Variants in EMC1 observed in about 807,000 individuals in gnomAD.
EMC1 encodes the protein KIAA0090.
Under a neutral mutation model 128.8 loss-of-function variants are expected in EMC1, and 103 were observed. The ratio of observed to expected loss-of-function variants is 0.80; its 90% confidence interval spans 0.68 to 0.94. The LOEUF is 0.94. Among genes scored for constraint, EMC1 ranks in the 40% least tolerant of loss-of-function variants. EMC1 has a pLI of 0.00. For missense variants in EMC1, 1,083 were observed against 1,250.6 expected (o/e 0.87, Z 2.02); for synonymous variants, 442 against 490.4 (o/e 0.90, Z 1.30).
At chr1:19,223,669 G>T in intron 18 of EMC1, 100 bp from the exon 19 acceptor site, 1 of 1,098,520 alleles carries the variant, frequency 9.1e-7, no homozygotes, top group Non-Finnish European at 1.3e-6. Flanking sequence ...GCCTGGCAGA[G>T]GAATCAGGGT....
At chr1:19,238,695 G>A in intron 10 of EMC1, 100 bp downstream of exon 10, 1 of 756,072 alleles carries the variant, frequency 1.3e-6, no homozygotes, top group Admixed American at 2.3e-5. Context: ...TTGAAGCTGG[G>A]AACTCTAGGA....
chr1:19,246,558 C>T (rs904615028), intron 1 of EMC1, among the ~76,000 whole-genome samples: 7 of 151,574 alleles, frequency 4.6e-5, no homozygotes, highest in African/African-American at 9.7e-5. Flanking sequence ...CCAGGCATGC[C>T]GAACACTTGA....
rs764533689 is a variant in EMC1, at chr1:19,227,296, C to G, written c.2202+17G>C. ...TCGAAAGCCCTTGCTGTAGACCAGA[C>G]AGCTGGCTGTATGTACCTTGTAGAG... On this transcript the variant is annotated intron_variant, in intron 18 of 22. Transcript: ENST00000477853. 5.0e-6 allele frequency: 8 copies of G among 1,613,942 alleles called. No individual in the cohort carries two copies. The highest frequency in any genetic ancestry group is 1.7e-5 in the Admixed American group (1 of 60,016).
rs1362807589 is a variant in EMC1 at position 19,217,868 on chromosome 1, T to A, written c.*1435A>T. On this transcript the variant is annotated 3_prime_UTR_variant, in exon 23 of 23. Coordinates refer to ENST00000477853, the MANE Select transcript of EMC1 (RefSeq NM_015047.3). The stretch of plus-strand genomic sequence containing the variant: ...ATCAAACTGACAATTAATAAAATGG[T>A]TGTCATTTCCTCTTCCTTCTCTGCC... 1 of 152,210 alleles carries A rather than the reference T, an allele frequency of 6.6e-6. No homozygotes were observed. The highest frequency in any genetic ancestry group is 2.4e-5 in the African/African-American group (1 of 41,430). The allele number at this position is 152,210 out of a possible 1,614,324, so 9.4% of individuals were successfully genotyped here.
rs560304783 is a variant in EMC1 at position 19,239,601 on chromosome 1, G to A, written c.954+217C>T. The stretch of plus-strand genomic sequence containing the variant: ...CCCATATTTCCTTTGGACTAAGGAA[G>A]GCACTAGTTTTGCTCTAAAGATCCT... On this transcript the variant is annotated intron_variant, in intron 8 of 22. Coordinates refer to ENST00000477853, the MANE Select transcript of EMC1 (RefSeq NM_015047.3). 28 of 589,542 alleles carry A rather than the reference G, an allele frequency of 4.7e-5. No individual in the cohort carries two copies. The East Asian group carries it at 7.9e-4, about 17-fold the overall frequency. The allele number at this position is 589,542 out of a possible 1,614,324, so 36.5% of individuals were successfully genotyped here.
In EMC1 at chr1:19,227,329, C is replaced by T. The variant is rs1226576903; in HGVS notation, c.2186G>A (p.Arg729His). Residue 729 changes from arginine (R) to histidine (H), a missense_variant, in exon 18 of 23, where the codon CGC (arginine) becomes CAC (histidine). Arg to His is a conservative substitution (Grantham distance 29, BLOSUM62 0). This residue lies in a region of EMC1 where 527 missense variants were observed against 644.1 expected (regional missense o/e 0.82). Coordinates refer to ENST00000477853, the MANE Select transcript of EMC1 (RefSeq NM_015047.3). ...TGTATGTACCTTGTAGAGCACACTG[C>T]GGTCCCCCATCACACGGCCCTGGGA... ...VHSQGRVMGD[R>H]SVLYKSLNPN... is the part of the protein sequence containing the mutation. 1.1e-5 allele frequency: 18 copies of T among 1,614,128 alleles called. No individual in the cohort carries two copies. Among genetic ancestry groups the T allele is most frequent in the Non-Finnish European group, 1.5e-5 (18 of 1,179,970 alleles).
intron 17 of EMC1, among the ~76,000 whole-genome samples, chr1:19,230,562 T>C (rs965203770): frequency 6.6e-6 from 1 of 150,938 alleles, no homozygotes; most frequent in African/African-American, 2.4e-5. Context: ...AGTGCAAGAC[T>C]CCATCTCAAA....
rs1347137887 is a variant in EMC1, at chr1:19,222,762, A to T, written c.2449T>A (p.Tyr817Asn). 2 of 1,614,120 alleles carry T rather than the reference A, an allele frequency of 1.2e-6. No homozygotes were observed. The highest frequency in any genetic ancestry group is 4.5e-5 in the East Asian group (2 of 44,882). ...VLELYEGTEQ[Y>N]NATAFSSLDR... ...AGGGAGCTGAAGGCGGTGGCGTTGTATTGCTCAGTGCCCTCATAGAGCTCC... is the reference window on the plus strand; with the variant it reads ...AGGGAGCTGAAGGCGGTGGCGTTGTTTTGCTCAGTGCCCTCATAGAGCTCC... Residue 817 changes from tyrosine (Y) to asparagine (N), a missense_variant, in exon 20 of 23, where the codon TAC becomes AAC. This residue lies in a region of EMC1 where 527 missense variants were observed against 644.1 expected (regional missense o/e 0.82). Transcript: ENST00000477853.
intron 1 of EMC1, 64 bp from the exon 2 acceptor site, chr1:19,245,094 GA>G (rs972558686): frequency 2.5e-6 from 4 of 1,575,386 alleles, no homozygotes; most frequent in East Asian, 2.3e-5. Flanking sequence ...AAATGCTCCG[GA>G]AAAAAAATCA....
rs775280752 is a variant in EMC1, at chr1:19,232,709, G to A, written c.1697C>T (p.Pro566Leu). 7 of 1,614,182 alleles carry A rather than the reference G, an allele frequency of 4.3e-6. No individual in the cohort carries two copies. Among genetic ancestry groups the A allele is most frequent in the Non-Finnish European group, 8.5e-7 (1 of 1,180,022 alleles). ...LWKQYLPNVK[P>L]DSSFKLMVQR... ...GACCATCAGTTTAAAGGAGGAGTCT[G>A]GCTTGACATTGGGTAGATACTGTTT... The change falls in exon 15 of 23, where the codon CCA becomes CTA. Residue 566 changes from proline to leucine, a missense_variant. This residue lies in a region of EMC1 where 527 missense variants were observed against 644.1 expected (regional missense o/e 0.82). Coordinates refer to ENST00000477853, the MANE Select transcript of EMC1 (RefSeq NM_015047.3).
At chr1:19,249,264 C>T (rs1468204847) in intron 1 of EMC1, among the ~76,000 whole-genome samples, 1 of 141,538 alleles carries the variant, frequency 7.1e-6, no homozygotes, top group African/African-American at 2.5e-5. Context: ...CATTTACTCA[C>T]CAACCACTTA....
rs539316345 is a variant in EMC1 at position 19,245,627 on chromosome 1, C to CTTTTTTT, written c.96-604_96-598dup. The stretch of plus-strand genomic sequence containing the variant: ...ACACCCAAAAGGGCACCTTACCTTT[C>CTTTTTTT]TTTTTTTTTTTTTTGAGACGAAGTC... On this transcript the variant is annotated intron_variant, in intron 1 of 22. Transcript: ENST00000477853. 9.7e-5 allele frequency among the ~76,000 whole-genome samples: 12 copies of CTTTTTTT among 123,138 alleles called. 3 individuals carry two copies. The highest frequency in any genetic ancestry group is 1.8e-4 in the Admixed American group (2 of 11,224). 80.8% of individuals were successfully genotyped at this position (123,138 alleles called of 152,430 possible). A position where few individuals can be genotyped will look rare whatever the true frequency, so the allele number is the denominator to read the frequency against.
Position 19,219,157 on chromosome 1 carries a change from T to C in EMC1, c.*146A>G, listed in dbSNP as rs1396658146. 4.5e-5 allele frequency: 32 copies of C among 716,802 alleles called. No homozygotes were observed. In the South Asian group the frequency reaches 5.2e-4, roughly 12 times the overall value. The allele number at this position is 716,802 out of a possible 1,614,324, so 44.4% of individuals were successfully genotyped here. A position where few individuals can be genotyped will look rare whatever the true frequency, so the allele number is the denominator to read the frequency against. On this transcript the variant is annotated 3_prime_UTR_variant, in exon 23 of 23. Coordinates refer to ENST00000477853, the MANE Select transcript of EMC1 (RefSeq NM_015047.3). ...ATCATGTATATCCCAAAAGGAGTTC[T>C]GCGTGAAGGTCATCCATCTTCCCTA...
intron 5 of EMC1, among the ~76,000 whole-genome samples, chr1:19,242,054 C>T (rs2093608979): frequency 6.6e-6 from 1 of 152,178 alleles, no homozygotes; most frequent in South Asian, 2.1e-4. Flanking sequence ...AACTAGAAGT[C>T]AGAAGGCACA....
At chr1:19,232,025 GC>G (rs796928528) in intron 15 of EMC1, among the ~76,000 whole-genome samples, 4 of 152,180 alleles carry the variant, frequency 2.6e-5, no homozygotes, top group African/African-American at 9.6e-5. Flanking sequence ...ACTTTGGGAG[GC>G]CGAGGCAGGT....
At chr1:19,250,469 T>G (rs887842577) in intron 1 of EMC1, among the ~76,000 whole-genome samples, 3 of 152,190 alleles carry the variant, frequency 2.0e-5, no homozygotes, top group Non-Finnish European at 2.9e-5. Flanking sequence ...TGTGAACAGT[T>G]GTGCACATCA....
intron 8 of EMC1, 83 bp from the exon 9 acceptor site, chr1:19,239,385 G>T: frequency 7.9e-7 from 1 of 1,268,440 alleles, no homozygotes; most frequent in Non-Finnish European, 1.1e-6. Context: ...TCCAGGGAAG[G>T]CCCTTGGCCT....
rs2093423364 is a variant in EMC1 at position 19,220,529 on chromosome 1, G to GC, written c.2672+234dup. ...GCTCATTCCTGTTTTACTCTGCTTAGCATTTGAGTACCTAACATAGTATAT... is the reference window on the plus strand; with the variant it reads ...GCTCATTCCTGTTTTACTCTGCTTAGCCATTTGAGTACCTAACATAGTATAT... On this transcript the variant is annotated intron_variant, in intron 21 of 22. Coordinates refer to ENST00000477853, the MANE Select transcript of EMC1 (RefSeq NM_015047.3). The GC allele has an allele frequency of 1.4e-5, 5 of 348,006 alleles. No individual in the cohort carries two copies. The East Asian group carries it at 2.2e-4, about 16-fold the overall frequency. 21.6% of individuals were successfully genotyped at this position (348,006 alleles called of 1,614,324 possible).
Position 19,243,969 on chromosome 1 carries a change from G to C in EMC1, c.267C>G (p.Ala89=). The part of the protein sequence containing the change: ...DKGTAEGAVD[A]MLLHGQDVIT... ...GCTTACCCTGTCCGTGCAGCAGCAT[G>C]GCATCCACAGCCCCTTCTGCCGTGC... Residue 89 remains alanine (A), a synonymous_variant, in exon 3 of 23, where the codon GCC becomes GCG. Transcript: ENST00000477853. The C allele has an allele frequency of 6.2e-7, 1 of 1,614,106 alleles. No individual in the cohort carries two copies. Among genetic ancestry groups the C allele is most frequent in the Non-Finnish European group, 8.5e-7 (1 of 1,180,024 alleles).
Sources: allele counts gnomAD v4.1 joint callset (sites outside exome capture counted in the v4.1 genomes callset), GRCh38; gene constraint gnomAD v4.1.1; regional missense constraint gnomAD v4.1.1; transcripts MANE v1.5; gene names NCBI Gene and HGNC (gene_info 2026-07-23, HGNC 2026-07-21).